The following ASGR2 variants were observed in gnomAD, a reference collection of about 807,000 sequenced individuals.
The protein encoded by ASGR2 is C-type lectin domain family 4 member H2.
Under a neutral mutation model 32.3 loss-of-function variants are expected in ASGR2, and 34 were observed. That is an observed-to-expected ratio of 1.05 (90% CI 0.80 to 1.40). The LOEUF is 1.40. ASGR2 is among the 40% of genes most tolerant of loss of function. ASGR2 has a pLI of 0.00. For synonymous variants in ASGR2, 143 were observed against 150.0 expected (o/e 0.95, Z 0.34); for missense variants, 385 against 386.4 (o/e 1.00, Z 0.03).
At chr17:7,110,582 A>G (rs747094081) in intron 2 of ASGR2, among the ~76,000 whole-genome samples, 4 of 152,204 alleles carry the variant, frequency 2.6e-5, no homozygotes, top group African/African-American at 7.2e-5. Context: ...CCAGCATTCA[A>G]TTTCTCCATG....
rs73242183 is a variant in ASGR2, at chr17:7,101,352, C to T, written c.*223G>A. The T allele has an allele frequency of 0.026, 13,671 of 531,070 alleles. 1,443 individuals are homozygous for T. The highest frequency in any genetic ancestry group is 0.23 in the African/African-American group (12,145 of 52,898). 32.9% of individuals were successfully genotyped at this position (531,070 alleles called of 1,614,324 possible). ...TCAAGCATTTGTTTCTTCTTTCCTA[C>T]GCCATTGAAGAGGCTGACGATTATA... On this transcript the variant is annotated 3_prime_UTR_variant, in exon 9 of 9. Coordinates refer to ENST00000691900, the MANE Select transcript of ASGR2 (RefSeq NM_001201352.2).
rs911379971 is a variant in ASGR2 at position 7,114,202 on chromosome 17, C to G, written c.39G>C (p.Ser13=). 2.0e-5 allele frequency: 33 copies of G among 1,614,076 alleles called. No individual in the cohort carries two copies. Among genetic ancestry groups the G allele is most frequent in the Non-Finnish European group, 2.7e-5 (32 of 1,180,050 alleles). The part of the protein sequence containing the change: ...KDFQDIQQLS[S]EENDHPFHQG... The stretch of plus-strand genomic sequence containing the variant: ...GATGGAAAGGATGGTCATTTTCCTC[C>G]GAGCTCAGCTGCTGGATATCTTGAA... Residue 13 remains serine, a synonymous_variant, in exon 2 of 9, where the codon TCG becomes TCC. Coordinates refer to ENST00000691900, the MANE Select transcript of ASGR2 (RefSeq NM_001201352.2). This position sits in a 1 kb window ranked among gnomAD's most constrained non-coding sequence, Gnocchi z 4.5.
At chr17:7,104,989 A>ATT (rs35115466) in intron 7 of ASGR2, among the ~76,000 whole-genome samples, 4,076 of 130,018 alleles carry the variant, frequency 0.031, 197 homozygotes, top group African/African-American at 0.12. Flanking sequence ...AAAAAAAAAA[A>ATT]TTTTTTTTTT....
At chr17:7,105,791 A>T (rs1597378433) in intron 7 of ASGR2, among the ~76,000 whole-genome samples, 8 of 146,296 alleles carry the variant, frequency 5.5e-5, no homozygotes, top group South Asian at 2.2e-4. Flanking sequence ...TTAAATTAGC[A>T]TTTTTTTTTT....
rs1915198653 is a variant in ASGR2 at position 7,114,328 on chromosome 17, A to AT, written c.-70-19dup. On this transcript the variant is annotated intron_variant, in intron 1 of 8. Transcript: ENST00000691900. The surrounding 1 kb of genome is among the most constrained non-coding windows in gnomAD (Gnocchi z 4.5). ...GGCTGGGGCTGGGGCAGAGGTGCAGATTCACGTGGAGGTTGATGGTGGGAT... is the reference window on the plus strand; with the variant it reads ...GGCTGGGGCTGGGGCAGAGGTGCAGATTTCACGTGGAGGTTGATGGTGGGAT... 1 of 1,307,734 alleles carries AT rather than the reference A, an allele frequency of 7.6e-7. No individual in the cohort carries two copies. The highest frequency in any genetic ancestry group is 1.2e-5 in the South Asian group (1 of 80,086). The allele number at this position is 1,307,734 out of a possible 1,614,324, so 81.0% of individuals were successfully genotyped here. A position where few individuals can be genotyped will look rare whatever the true frequency, so the allele number is the denominator to read the frequency against.
At chr17:7,104,576 G>A (rs1038995667) in intron 7 of ASGR2, among the ~76,000 whole-genome samples, 2 of 151,576 alleles carry the variant, frequency 1.3e-5, no homozygotes, top group Non-Finnish European at 2.9e-5. Context: ...TGCTTGAACC[G>A]GGAGGCAGAG....
At chr17:7,111,037 A>G (rs982819169) in intron 2 of ASGR2, among the ~76,000 whole-genome samples, 6 of 152,226 alleles carry the variant, frequency 3.9e-5, no homozygotes, top group African/African-American at 1.4e-4. Flanking sequence ...TAAGTTGCTT[A>G]ACTGCATCCC....
intron 2 of ASGR2, among the ~76,000 whole-genome samples, chr17:7,112,580 C>T (rs1914855884): frequency 6.6e-6 from 1 of 152,178 alleles, no homozygotes; most frequent in Admixed American, 6.5e-5. Flanking sequence ...ACTGGAGTTG[C>T]AGAGGAGAGT....
chr17:7,106,313 C>G (rs1400471429), intron 7 of ASGR2, among the ~76,000 whole-genome samples: 1 of 152,156 alleles, frequency 6.6e-6, no homozygotes, highest in East Asian at 1.9e-4. Flanking sequence ...AAAGCATTAA[C>G]TGGGACACAC....
Position 7,107,039 on chromosome 17 carries a change from C to T in ASGR2, c.609G>A (p.Glu203=). ...AGTTGATGACCACCAGGTGTGCGTTCTCCAGCTGGCAGTACTTCTCCGCCT... is the reference window on the plus strand; with the variant it reads ...AGTTGATGACCACCAGGTGTGCGTTTTCCAGCTGGCAGTACTTCTCCGCCT... ...WAEAEKYCQL[E]NAHLVVINSW... The change falls in exon 7 of 9, where the codon GAG becomes GAA. Residue 203 remains glutamate (E), a synonymous_variant. Transcript: ENST00000691900. This position sits in a 1 kb window ranked among gnomAD's most constrained non-coding sequence, Gnocchi z 5.0. The T allele has an allele frequency of 1.2e-6, 2 of 1,614,216 alleles. No homozygotes were observed. Among genetic ancestry groups the T allele is most frequent in the Non-Finnish European group, 1.7e-6 (2 of 1,180,050 alleles).
At position 7,101,599 on chromosome 17, in the gene ASGR2, C is replaced by A. The variant is rs1912813242; in HGVS notation, c.897G>T (p.Arg299=). 1 of 1,614,068 alleles carries A rather than the reference C, an allele frequency of 6.2e-7. No individual in the cohort carries two copies. Among genetic ancestry groups the A allele is most frequent in the African/African-American group, 1.3e-5 (1 of 74,948 alleles). ...QVYRWVCEKR[R]NATGEVA is the part of the protein sequence containing the mutation. ...GTCAGGCCACCTCGCCGGTGGCATTCCGCCTTTTCTCACACACCCAGCGGT... is the reference window on the plus strand; with the variant it reads ...GTCAGGCCACCTCGCCGGTGGCATTACGCCTTTTCTCACACACCCAGCGGT... The change falls in exon 9 of 9, where the codon CGG becomes CGT. Residue 299 remains arginine (R), a synonymous_variant. Transcript: ENST00000691900.
At chr17:7,112,854 C>T (rs527691808) in intron 2 of ASGR2, among the ~76,000 whole-genome samples, 33 of 152,174 alleles carry the variant, frequency 2.2e-4, no homozygotes, top group African/African-American at 7.2e-4. Flanking sequence ...CCATGGAACC[C>T]GGCTCCACCA....
chr17:7,104,612 C>T (rs535827052), intron 7 of ASGR2, among the ~76,000 whole-genome samples: 9 of 151,712 alleles, frequency 5.9e-5, no homozygotes, highest in Non-Finnish European at 1.2e-4. Flanking sequence ...GATCGTGTCA[C>T]TGCACTCCAG....
In ASGR2 at chr17:7,107,335, A is replaced by C; in HGVS notation, c.410-18T>G. 6.2e-7 allele frequency: 1 copy of C among 1,610,372 alleles called. No individual in the cohort carries two copies. Among genetic ancestry groups the C allele is most frequent in the East Asian group, 2.2e-5 (1 of 44,884 alleles). On this transcript the variant is annotated intron_variant, in intron 5 of 8. Coordinates refer to ENST00000691900, the MANE Select transcript of ASGR2 (RefSeq NM_001201352.2). The surrounding 1 kb of genome is among the most constrained non-coding windows in gnomAD (Gnocchi z 5.0). ...ATCGTGATCTAGGACAGACAGGCTG[A>C]AAGTGCTGCCGGCAGGTGTGGTCCC...
At chr17:7,104,413 A>G (rs1431794964) in intron 7 of ASGR2, among the ~76,000 whole-genome samples, 1 of 149,682 alleles carries the variant, frequency 6.7e-6, no homozygotes, top group African/African-American at 2.5e-5. Context: ...GCACTTTGGG[A>G]AGGCCAGGCG....
At chr17:7,104,869 G>A (rs563380048) in intron 7 of ASGR2, among the ~76,000 whole-genome samples, 14 of 151,248 alleles carry the variant, frequency 9.3e-5, no homozygotes, top group East Asian at 3.9e-4. Flanking sequence ...TCAGCTACTC[G>A]GGATACTAAG....
chr17:7,102,013 AG>A, intron 8 of ASGR2, 76 bp downstream of exon 8: 2 of 1,430,604 alleles, frequency 1.4e-6, no homozygotes, highest in South Asian at 2.3e-5. Context: ...GGGACGAGTC[AG>A]GGTAGCTTGG....
chr17:7,105,186 A>G (rs571143031), intron 7 of ASGR2, among the ~76,000 whole-genome samples: 2 of 152,216 alleles, frequency 1.3e-5, no homozygotes, highest in East Asian at 3.9e-4. Context: ...AATAAACTAC[A>G]TAGTTTCCAA....
In ASGR2 at chr17:7,108,627, C is replaced by A; in HGVS notation, c.242-70G>T. 1 of 1,599,844 alleles carries A rather than the reference C, an allele frequency of 6.3e-7. No homozygotes were observed. Among genetic ancestry groups the A allele is most frequent in the South Asian group, 1.1e-5 (1 of 90,010 alleles). ...TCCCCATCACTGTCCATGTGACTGG[C>A]CCCTCAATGTCCCCGCATTTGCCCC... On this transcript the variant is annotated intron_variant, in intron 3 of 8. Coordinates refer to ENST00000691900, the MANE Select transcript of ASGR2 (RefSeq NM_001201352.2). This position sits in a 1 kb window ranked among gnomAD's most constrained non-coding sequence, Gnocchi z 4.9.
Sources: gnomAD v4.1 joint callset for allele counts (sites outside exome capture counted in the v4.1 genomes callset) on GRCh38, gnomAD v4.1.1 for gene constraint, Gnocchi (gnomAD v3.1) non-coding constraint, MANE v1.5 for transcripts, NCBI Gene and HGNC (gene_info 2026-07-23, HGNC 2026-07-21) for gene names.